Variants in MIER1 observed in about 807,000 individuals in gnomAD.
MIER1 encodes the protein MIER1 transcriptional regulator.
MIER1 carries 40 observed loss-of-function variants against 75.7 expected under a neutral mutation model. The observed-to-expected ratio is 0.53, with a 90% CI of 0.41 to 0.69. The LOEUF is 0.69. Among genes scored for constraint, MIER1 ranks in the 30% least tolerant of loss-of-function variants. The pLI is 0.00. For synonymous variants in MIER1, 213 were observed against 223.4 expected, an observed-to-expected ratio of 0.95 and a Z score of 0.42; for missense variants, 574 against 680.2, an observed-to-expected ratio of 0.84 and a Z score of 1.74.
intron 2 of MIER1, among the ~76,000 whole-genome samples, chr1:66,937,816 T>C (rs1655271999): frequency 6.6e-6 from 1 of 152,240 alleles, no homozygotes; most frequent in Admixed American, 6.5e-5. Context: ...GAAACTCATC[T>C]TTGATTTAAT....
Position 66,986,665 on chromosome 1 carries a change from C to G in MIER1, c.*1765C>G, listed in dbSNP as rs1666823491. 1.9e-6 allele frequency: 1 copy of G among 519,986 alleles called. No individual in the cohort carries two copies. The allele number at this position is 519,986 out of a possible 1,614,324, so 32.2% of individuals were successfully genotyped here. On this transcript the variant is annotated 3_prime_UTR_variant, in exon 14 of 14. Transcript: ENST00000401041. The stretch of plus-strand genomic sequence containing the variant: ...TTAAAAGCCACTTTGCAACACTTGA[C>G]TTCATCTTAATGTACATTCACTGTT...
rs890531869 is a variant in MIER1, at chr1:66,937,050, G to A, written c.169-2978G>A. 5.8e-4 allele frequency among the ~76,000 whole-genome samples: 87 copies of A among 150,372 alleles called. 1 individual carries two copies. The highest frequency in any genetic ancestry group is 9.5e-4 in the Non-Finnish European group (64 of 67,550). ...AAAAGAAAAAAGTGAGGGTGAAGGA[G>A]GAGAGAAGTGAAGAGTGGAAAATTT... On this transcript the variant is annotated intron_variant, in intron 2 of 13. Transcript: ENST00000401041.
intron 3 of MIER1, among the ~76,000 whole-genome samples, chr1:66,942,153 C>T (rs576933238): frequency 6.6e-6 from 1 of 152,236 alleles, no homozygotes; most frequent in South Asian, 2.1e-4. Context: ...ATGTTAATTA[C>T]AGCCAGTTAT....
chr1:66,942,910 T>C (rs555494955), intron 3 of MIER1, among the ~76,000 whole-genome samples: 1 of 152,314 alleles, frequency 6.6e-6, no homozygotes, highest in Admixed American at 6.5e-5. Flanking sequence ...TTACAACACA[T>C]GCTTTGATGC....
chr1:66,925,676 A>C (rs1651510772), intron 1 of MIER1: 1 of 425,560 alleles, frequency 2.3e-6, no homozygotes, highest in African/African-American at 2.2e-5. Context: ...GCCGCTCTTT[A>C]CTCTTGTTCT....
At chr1:66,973,646 A>G (rs1451917705) in intron 11 of MIER1, among the ~76,000 whole-genome samples, 1 of 152,086 alleles carries the variant, frequency 6.6e-6, no homozygotes, top group Non-Finnish European at 1.5e-5. Flanking sequence ...GAAATTAGGT[A>G]TGATTTTTAA....
intron 4 of MIER1, among the ~76,000 whole-genome samples, chr1:66,957,587 G>GTTTTTTTTTT (rs770503779): frequency 1.5e-3 from 150 of 99,106 alleles, no homozygotes; most frequent in East Asian, 2.9e-3. Context: ...GTTTGTTTGT[G>GTTTTTTTTTT]TTTTTTTTTT....
At chr1:66,977,166 G>A (rs1167339053) in intron 12 of MIER1, among the ~76,000 whole-genome samples, 1 of 151,626 alleles carries the variant, frequency 6.6e-6, no homozygotes, top group African/African-American at 2.4e-5. Context: ...CTGGAATGCA[G>A]TGGTGCAATC....
intron 12 of MIER1, among the ~76,000 whole-genome samples, chr1:66,977,821 AAAAAAT>A (rs1437296111): frequency 6.6e-6 from 1 of 152,174 alleles, no homozygotes; most frequent in African/African-American, 2.4e-5. Context: ...AATGCAAAAT[AAAAAAT>A]AAAAATAAAA....
At chr1:66,954,816 C>T (rs558496154) in intron 4 of MIER1, among the ~76,000 whole-genome samples, 4 of 152,114 alleles carry the variant, frequency 2.6e-5, no homozygotes, top group Admixed American at 1.3e-4. Context: ...AAGCAATTCT[C>T]CTGCCTCAGC....
intron 2 of MIER1, chr1:66,930,421 TCCCTGTCCCGGAGCCGGGCGCCCCCGG>T (rs1652881063): frequency 1.9e-6 from 3 of 1,604,944 alleles, no homozygotes; most frequent in Non-Finnish European, 2.5e-6. Flanking sequence ...GAGCTCCCCC[TCCCTGTCCCGGAGCCGGGCGCCCCCGG>T]CCCTGGGCCG....
rs1252935427 is a variant in MIER1, at chr1:66,958,911, C to G, written c.562C>G (p.Pro188Ala). ...EDETQSSNDD[P>A]SQSVASQDAQ... Reference sequence around the variant, plus strand: ...TGAAACTCAGTCTTCCAATGATGATCCATCACAATCTGTTGCTTCTCAAGA... The same window carrying G: ...TGAAACTCAGTCTTCCAATGATGATGCATCACAATCTGTTGCTTCTCAAGA... Residue 188 changes from proline (P) to alanine (A), a missense_variant, in exon 6 of 14, where the codon CCA (proline) becomes GCA (alanine). Physicochemically the swap from Pro to Ala is conservative, Grantham distance 27. This residue lies in a region of MIER1 where 309 missense variants were observed against 352.8 expected (regional missense o/e 0.88). Transcript: ENST00000401041. The G allele has an allele frequency of 6.2e-7, 1 of 1,611,182 alleles. No homozygotes were observed. The highest frequency in any genetic ancestry group is 8.5e-7 in the Non-Finnish European group (1 of 1,177,634).
chr1:66,940,493 G>A (rs1295380019), intron 3 of MIER1, among the ~76,000 whole-genome samples: 1 of 151,980 alleles, frequency 6.6e-6, no homozygotes, highest in Non-Finnish European at 1.5e-5. Context: ...GATTCAACAA[G>A]TGAATATTTA....
At chr1:66,946,485 G>A in intron 4 of MIER1, 190 bp downstream of exon 4, 1 of 1,304,524 alleles carries the variant, frequency 7.7e-7, no homozygotes, top group Non-Finnish European at 9.7e-7. Flanking sequence ...ACTTTATTAT[G>A]TGCAATAACA....
intron 11 of MIER1, among the ~76,000 whole-genome samples, chr1:66,973,980 C>T (rs1304125116): frequency 6.6e-6 from 1 of 151,876 alleles, no homozygotes; most frequent in Non-Finnish European, 1.5e-5. Context: ...TGGATTGTAT[C>T]CAGTTGATTT....
At chr1:66,926,820 C>A (rs1433524714) in intron 2 of MIER1, among the ~76,000 whole-genome samples, 1 of 152,122 alleles carries the variant, frequency 6.6e-6, no homozygotes, top group African/African-American at 2.4e-5. Context: ...TAATCTATTT[C>A]AGTCAGCTAA....
At position 66,946,167 on chromosome 1, in the gene MIER1, G is replaced by T; in HGVS notation, c.211G>T (p.Asp71Tyr). ...CTTACCAGGAGGTTCAGCAACATCA[G>T]ATGACCATGAATTTGATCCATCAGC... Reference protein sequence around the residue: ...SSSPGGSATSDDHEFDPSADM... With the variant: ...SSSPGGSATSYDHEFDPSADM... The change falls in exon 4 of 14, where the codon GAT becomes TAT. Residue 71 changes from aspartate (D) to tyrosine (Y), a missense_variant. By Grantham distance (160) the Asp-to-Tyr change is radical. Coordinates refer to ENST00000401041, the MANE Select transcript of MIER1 (RefSeq NM_001077700.3). The T allele has an allele frequency of 6.2e-7, 1 of 1,609,192 alleles. No individual in the cohort carries two copies. Among genetic ancestry groups the T allele is most frequent in the Non-Finnish European group, 8.5e-7 (1 of 1,178,974 alleles).
At chr1:66,931,402 A>G (rs915247266) in intron 2 of MIER1, among the ~76,000 whole-genome samples, 1 of 151,992 alleles carries the variant, frequency 6.6e-6, no homozygotes, top group African/African-American at 2.4e-5. Context: ...GTTCGAGATG[A>G]TGTATTTGGA....
chr1:66,930,470 A>C (rs1039127711), intron 2 of MIER1: 119 of 1,535,624 alleles, frequency 7.7e-5, no homozygotes, highest in Non-Finnish European at 1.0e-4. Flanking sequence ...GGAGGAGTGG[A>C]GTGGGCCTGG....
Sources: allele counts gnomAD v4.1 joint callset (sites outside exome capture counted in the v4.1 genomes callset), GRCh38; gene constraint gnomAD v4.1.1; regional missense constraint gnomAD v4.1.1; transcripts MANE v1.5; gene names NCBI Gene and HGNC (gene_info 2026-07-23, HGNC 2026-07-21).